The following PLXNA4 variants were observed in gnomAD, a reference collection of about 807,000 sequenced individuals.
PLXNA4 encodes plexin A4, also known as plexin-A4.
PLXNA4 carries 44 observed loss-of-function variants against 191.8 expected under a neutral mutation model. That is an observed-to-expected ratio of 0.23 (90% CI 0.18 to 0.29). The LOEUF (loss-of-function observed/expected upper bound fraction) is 0.29, where lower values mean the gene tolerates loss of function less well. Among genes scored for constraint, PLXNA4 ranks in the 10% least tolerant of loss-of-function variants. The pLI is 1.00. For missense variants in PLXNA4, 1,800 were observed against 2,488.8 expected (o/e 0.72, Z 5.89); for synonymous variants, 1,082 against 1,009.5 (o/e 1.07, Z -1.36).
intron 4 of PLXNA4, among the ~76,000 whole-genome samples, chr7:132,273,323 A>C (rs1800146856): frequency 6.7e-6 from 1 of 149,620 alleles, no homozygotes; most frequent in Non-Finnish European, 1.5e-5. Context: ...ATTGGTTTTC[A>C]ACACACACAC....
intron 5 of PLXNA4, among the ~76,000 whole-genome samples, chr7:132,228,906 G>A (rs772521123): frequency 2.0e-5 from 3 of 152,068 alleles, no homozygotes; most frequent in Admixed American, 6.5e-5. Flanking sequence ...TTCTCCACCT[G>A]TCCAGTTCCT....
intron 5 of PLXNA4, among the ~76,000 whole-genome samples, chr7:132,236,667 C>T (rs986911055): frequency 3.9e-5 from 6 of 152,012 alleles, no homozygotes; most frequent in Non-Finnish European, 8.8e-5. Flanking sequence ...CTGCTGGGCA[C>T]GAAGGGAGAA....
At chr7:132,160,806 C>T (rs1480136893) in intron 24 of PLXNA4, among the ~76,000 whole-genome samples, 1 of 152,228 alleles carries the variant, frequency 6.6e-6, no homozygotes, top group Non-Finnish European at 1.5e-5. Context: ...TCCCACTCCA[C>T]CCCCTTCTTG....
At chr7:132,178,589 G>A (rs990688978) in intron 20 of PLXNA4, among the ~76,000 whole-genome samples, 2 of 152,174 alleles carry the variant, frequency 1.3e-5, no homozygotes, top group African/African-American at 2.4e-5. Flanking sequence ...TGTGGTCTGG[G>A]ACACAGGCAT....
intron 3 of PLXNA4, among the ~76,000 whole-genome samples, chr7:132,304,013 T>C (rs1009146477): frequency 6.6e-6 from 1 of 152,144 alleles, no homozygotes; most frequent in South Asian, 2.1e-4. Context: ...AGAGCTTGAC[T>C]AATACAACAC....
At chr7:132,494,487 C>T (rs1320360980) in intron 2 of PLXNA4, among the ~76,000 whole-genome samples, 1 of 152,160 alleles carries the variant, frequency 6.6e-6, no homozygotes, top group Non-Finnish European at 1.5e-5. Flanking sequence ...CTACAGAACA[C>T]AGCATGTGCC....
At chr7:132,303,498 G>A (rs1801393183) in intron 3 of PLXNA4, among the ~76,000 whole-genome samples, 1 of 152,096 alleles carries the variant, frequency 6.6e-6, no homozygotes, top group African/African-American at 2.4e-5. Flanking sequence ...AAACCTGGGA[G>A]GCGGAGGTTG....
chr7:132,632,584 C>T (rs1318316283), intron 2 of PLXNA4, among the ~76,000 whole-genome samples: 1 of 152,134 alleles, frequency 6.6e-6, no homozygotes, highest in East Asian at 1.9e-4. Flanking sequence ...AGCTCCCAGG[C>T]TCTGAGATTT....
chr7:132,607,806 T>G (rs983617746), intron 2 of PLXNA4, among the ~76,000 whole-genome samples: 4 of 150,862 alleles, frequency 2.7e-5, no homozygotes, highest in Admixed American at 6.6e-5. Flanking sequence ...TCATCATCAC[T>G]ATCACCATCA....
Position 132,429,057 on chromosome 7 carries a change from A to C in PLXNA4, c.1371+60235T>G, listed in dbSNP as rs1398751574. 2.0e-5 allele frequency among the ~76,000 whole-genome samples: 3 copies of C among 152,100 alleles called. No homozygotes were observed. In the East Asian group the frequency reaches 5.8e-4, roughly 29 times the overall value. On this transcript the variant is annotated intron_variant, in intron 3 of 31. Coordinates refer to ENST00000321063, the MANE Select transcript of PLXNA4 (RefSeq NM_020911.2). ...TCAGGGCCTCAAAGGACGGCTCAGAAAGTCCTCATGCAATGCAGACCTCTC... is the reference window on the plus strand; with the variant it reads ...TCAGGGCCTCAAAGGACGGCTCAGACAGTCCTCATGCAATGCAGACCTCTC...
intron 3 of PLXNA4, among the ~76,000 whole-genome samples, chr7:132,302,969 T>C (rs1485161869): frequency 1.3e-5 from 2 of 152,074 alleles, no homozygotes. Context: ...CTCTGCCTCC[T>C]GGGTTCAAGC....
Position 132,508,127 on chromosome 7 carries a change from C to T in PLXNA4, c.567G>A (p.Val189=). The change falls in exon 2 of 32, where the codon GTG becomes GTA. Residue 189 remains valine (V), a synonymous_variant. Transcript: ENST00000321063. The surrounding 1 kb of genome is among the most constrained non-coding windows in gnomAD (Gnocchi z 4.4). ...LDDKLFIATA[V]DGKPEYFPTI... Reference sequence around the variant, plus strand: ...TGGGAAAATACTCGGGCTTCCCATCCACTGCCGTGGCAATGAACAGCTTGT... The same window carrying T: ...TGGGAAAATACTCGGGCTTCCCATCTACTGCCGTGGCAATGAACAGCTTGT... The T allele has an allele frequency of 1.9e-6, 3 of 1,614,196 alleles. No individual in the cohort carries two copies. The highest frequency in any genetic ancestry group is 2.2e-5 in the East Asian group (1 of 44,870).
chr7:132,545,333 C>G (rs2116531457), intron 1 of PLXNA4, among the ~76,000 whole-genome samples: 1 of 152,298 alleles, frequency 6.6e-6, no homozygotes, highest in Admixed American at 6.5e-5. Flanking sequence ...TGAGGTTGAA[C>G]AAAAACATCC....
At chr7:132,623,566 C>T (rs1803314304) in intron 2 of PLXNA4, among the ~76,000 whole-genome samples, 2 of 152,082 alleles carry the variant, frequency 1.3e-5, no homozygotes, top group Non-Finnish European at 2.9e-5. Flanking sequence ...GCTCCTTCCA[C>T]CATAGCAGCA....
intron 1 of PLXNA4, among the ~76,000 whole-genome samples, chr7:132,541,241 T>C (rs957308698): frequency 1.3e-5 from 2 of 152,296 alleles, no homozygotes; most frequent in African/African-American, 4.8e-5. Context: ...TAGAGACTCC[T>C]ACCTAGTGCT....
chr7:132,216,020 A>T (rs1797952598), intron 9 of PLXNA4, among the ~76,000 whole-genome samples: 1 of 152,236 alleles, frequency 6.6e-6, no homozygotes, highest in Non-Finnish European at 1.5e-5. Context: ...TCAGAACTGC[A>T]GGTGACAACC....
In PLXNA4 at chr7:132,472,719, C is replaced by T. The variant is rs140532825; in HGVS notation, c.1371+16573G>A. 2.8e-4 allele frequency among the ~76,000 whole-genome samples: 43 copies of T among 152,344 alleles called. 1 individual carries two copies. The East Asian group carries it at 7.9e-3, about 28-fold the overall frequency. On this transcript the variant is annotated intron_variant, in intron 3 of 31. Coordinates refer to ENST00000321063, the MANE Select transcript of PLXNA4 (RefSeq NM_020911.2). ...TGGAAAAGCTGGGAAGTGGACGTCA[C>T]TGCTAGTCCCATAATGTAGGTGAAA... is the stretch of plus-strand genomic sequence containing the variant.
intron 30 of PLXNA4, among the ~76,000 whole-genome samples, chr7:132,138,777 C>G (rs1490643260): frequency 6.6e-6 from 1 of 152,202 alleles, no homozygotes; most frequent in East Asian, 1.9e-4. Context: ...CCTCATTGAG[C>G]ACCAAGCAGA....
chr7:132,398,250 A>C (rs1214718971), intron 3 of PLXNA4, among the ~76,000 whole-genome samples: 1 of 152,252 alleles, frequency 6.6e-6, no homozygotes, highest in East Asian at 1.9e-4. Flanking sequence ...AATGCTAAGC[A>C]GAAAATAAAT....
Sources: allele counts gnomAD v4.1 joint callset (sites outside exome capture counted in the v4.1 genomes callset), GRCh38; gene constraint gnomAD v4.1.1; non-coding constraint Gnocchi (gnomAD v3.1); transcripts MANE v1.5; gene names NCBI Gene and HGNC (gene_info 2026-07-23, HGNC 2026-07-21).